The following GPR17 variants were observed in gnomAD, a reference collection of about 807,000 sequenced individuals.
GPR17 encodes the protein G protein-coupled receptor 17.
In GPR17, 4 loss-of-function variants were observed where a neutral mutation model predicts 1.5. The ratio of observed to expected loss-of-function variants is 2.73; its 90% CI spans 1.35 to 6.25. The LOEUF (loss-of-function observed/expected upper bound fraction) is 6.25. GPR17 is among the 30% of genes most tolerant of loss of function. The probability of loss-of-function intolerance (pLI) is 0.00; values close to 1 mark genes in which losing one functional copy is unlikely to be tolerated. For synonymous variants in GPR17, 209 were observed against 207.6 expected, an observed-to-expected ratio of 1.01 and a Z score of -0.06; for missense variants, 463 against 462.1, an observed-to-expected ratio of 1.00 and a Z score of -0.02.
chr2:127,648,971 AGGGGAGGGAGGGGAGGGGAG>A (rs1683314410), intron 1 of GPR17, among the ~76,000 whole-genome samples: 1 of 15,570 alleles, frequency 6.4e-5, no homozygotes, highest in Non-Finnish European at 1.2e-4. Flanking sequence ...GGAGGGGGGG[AGGGGAGGGAGGGGAGGGGAG>A]GGAGGGGAGG....
chr2:127,649,708 G>A (rs1196891605), intron 1 of GPR17, among the ~76,000 whole-genome samples: 1 of 152,134 alleles, frequency 6.6e-6, no homozygotes, highest in Non-Finnish European at 1.5e-5. Flanking sequence ...TGAGGGTGGG[G>A]AGCACCCTAT....
At chr2:127,649,947 A>C (rs1186596539) in intron 1 of GPR17, 132 of 1,351,348 alleles carry the variant, frequency 9.8e-5, no homozygotes, top group Non-Finnish European at 1.3e-4. Context: ...GAGAGAAAAT[A>C]CTCCCAGCTG....
intron 1 of GPR17, among the ~76,000 whole-genome samples, chr2:127,649,042 AAAGAG>A (rs1683356200): frequency 9.0e-6 from 1 of 111,254 alleles, no homozygotes; most frequent in Non-Finnish European, 2.1e-5. Flanking sequence ...AAAAAGAAAG[AAAGAG>A]AAAAGAAGAA....
rs747134832 is a variant in GPR17, at chr2:127,651,438, C to T, written c.703C>T (p.Arg235Cys). 11 of 1,612,710 alleles carry T rather than the reference C, an allele frequency of 6.8e-6. No homozygotes were observed. The highest frequency in any genetic ancestry group is 1.3e-5 in the African/African-American group (1 of 74,950). Reference protein sequence around the residue: ...VEKRLKTKAVRMIAIVLAIFL... With the variant: ...VEKRLKTKAVCMIAIVLAIFL... ...GAAGCGCCTCAAGACCAAGGCAGTGCGCATGATCGCCATAGTGCTGGCCAT... is the reference window on the plus strand; with the variant it reads ...GAAGCGCCTCAAGACCAAGGCAGTGTGCATGATCGCCATAGTGCTGGCCAT... Residue 235 changes from arginine (R) to cysteine (C), a missense_variant, in exon 2 of 2, where the codon CGC becomes TGC. By Grantham distance (180) the Arg-to-Cys change is radical. Transcript: ENST00000486700.
At position 127,647,891 on chromosome 2, in the gene GPR17, G is replaced by A. The variant is rs746741345; in HGVS notation, c.-21+1647G>A. The A allele has an allele frequency of 3.4e-5, 15 of 443,840 alleles. No individual in the cohort carries two copies. Among genetic ancestry groups the A allele is most frequent in the Admixed American group, 6.4e-5 (1 of 15,596 alleles). 27.5% of individuals were successfully genotyped at this position (443,840 alleles called of 1,614,324 possible). ...CCCTGCCACCGTCCCACCGGTACCT[G>A]CTCCCTGTTCTCCCCTGCCTCACAG... On this transcript the variant is annotated intron_variant, in intron 1 of 1. Coordinates refer to ENST00000486700, the MANE Select transcript of GPR17 (RefSeq NM_001161417.2). The surrounding 1 kb of genome is among the most constrained non-coding windows in gnomAD (Gnocchi z 4.3).
chr2:127,651,171 C>T lies in GPR17; in HGVS notation c.436C>T (p.Leu146Phe), dbSNP rs1276521922. ...PVKSLKLRRPLYAHLACAFLW... is the reference protein window; with the variant it reads ...PVKSLKLRRPFYAHLACAFLW... ...CAAGTCCCTCAAGCTCCGCAGGCCCCTCTACGCACACCTGGCCTGTGCCTT... is the reference window on the plus strand; with the variant it reads ...CAAGTCCCTCAAGCTCCGCAGGCCCTTCTACGCACACCTGGCCTGTGCCTT... The change falls in exon 2 of 2, where the codon CTC (leucine) becomes TTC (phenylalanine). Residue 146 changes from leucine (L) to phenylalanine (F), a missense_variant. Physicochemically the swap from Leu to Phe is conservative, Grantham distance 22 (BLOSUM62 0). Transcript: ENST00000486700. The T allele has an allele frequency of 2.5e-6, 4 of 1,612,474 alleles. No individual in the cohort carries two copies. The highest frequency in any genetic ancestry group is 3.4e-6 in the Non-Finnish European group (4 of 1,179,994).
At position 127,651,603 on chromosome 2, in the gene GPR17, G is replaced by A. The variant is rs540565811; in HGVS notation, c.868G>A (p.Gly290Arg). The A allele has an allele frequency of 3.5e-5, 57 of 1,613,406 alleles. 1 individual carries two copies. Among genetic ancestry groups the A allele is most frequent in the South Asian group, 2.9e-4 (26 of 91,086 alleles). Residue 290 changes from glycine (G) to arginine (R), a missense_variant, in exon 2 of 2, where the codon GGG (glycine) becomes AGG (arginine). Gly to Arg is a moderately radical substitution (Grantham distance 125). Coordinates refer to ENST00000486700, the MANE Select transcript of GPR17 (RefSeq NM_001161417.2). ...CACCTCCTGCCTCACCAGCCTCAAC[G>A]GGGCACTCGACCCCATCATGTATTT... ...RITSCLTSLN[G>R]ALDPIMYFFV... is the part of the protein sequence containing the mutation.
At position 127,647,509 on chromosome 2, in the gene GPR17, C is replaced by T. The variant is rs1380696925; in HGVS notation, c.-21+1265C>T. ...TGCCAGGCAGAGTGGTCAGTCGTAC[C>T]TATGAGCTGCTCTCTCGTGGGGCCA... On this transcript the variant is annotated intron_variant, in intron 1 of 1. Transcript: ENST00000486700. The surrounding 1 kb of genome is among the most constrained non-coding windows in gnomAD (Gnocchi z 4.3). Among the ~76,000 whole-genome samples the T allele has an allele frequency of 1.2e-4, 19 of 152,172 alleles. No homozygotes were observed. The highest frequency in any genetic ancestry group is 4.6e-4 in the African/African-American group (19 of 41,444).
intron 1 of GPR17, chr2:127,648,169 G>A: frequency 1.0e-6 from 1 of 985,466 alleles, no homozygotes; most frequent in Non-Finnish European, 1.2e-6. Flanking sequence ...GGGTCCCCAT[G>A]AGGAACTCCA....
intron 1 of GPR17, chr2:127,648,010 T>G (rs913969396): frequency 6.1e-6 from 6 of 985,688 alleles, no homozygotes; most frequent in Middle Eastern, 5.2e-4. Context: ...CAGCCAAGCC[T>G]GTCTCCCTCT....
chr2:127,650,595 C>T (rs544192242), intron 1 of GPR17, 121 bp from the exon 2 acceptor site: 72 of 689,542 alleles, frequency 1.0e-4, no homozygotes, highest in Middle Eastern at 2.7e-4. Flanking sequence ...GCCCCGTGGG[C>T]GGTGCTGAGC....
intron 1 of GPR17, chr2:127,650,013 T>G: frequency 6.2e-7 from 1 of 1,607,970 alleles, no homozygotes; most frequent in Non-Finnish European, 8.5e-7. Flanking sequence ...CCTGTCAGGA[T>G]GTCCAAACGG....
intron 1 of GPR17, among the ~76,000 whole-genome samples, chr2:127,649,159 G>A (rs556488764): frequency 8.3e-6 from 1 of 120,818 alleles, no homozygotes; most frequent in Non-Finnish European, 1.8e-5. Context: ...GAGAGAGAGA[G>A]GAAGGTAGGA....
chr2:127,649,015 G>A (rs1683346821), intron 1 of GPR17, among the ~76,000 whole-genome samples: 1 of 41,210 alleles, frequency 2.4e-5, no homozygotes, highest in East Asian at 6.2e-4. Flanking sequence ...GGAAGGGGAG[G>A]GAGGGAGGAA....
chr2:127,649,954 G>C, intron 1 of GPR17: 3 of 1,422,234 alleles, frequency 2.1e-6, no homozygotes, highest in South Asian at 2.4e-5. Context: ...AATACTCCCA[G>C]CTGGCCTGAT....
rs2105237623 is a variant in GPR17, at chr2:127,647,191, T to C, written c.-21+947T>C. 6.6e-6 allele frequency among the ~76,000 whole-genome samples: 1 copy of C among 152,320 alleles called. No homozygotes were observed. The highest frequency in any genetic ancestry group is 2.1e-4 in the South Asian group (1 of 4,826). The stretch of plus-strand genomic sequence containing the variant: ...AACTCTTCCTTTTTGAGCAAGGGGC[T>C]GCACATTCTCATTTCATACATGGGC... On this transcript the variant is annotated intron_variant, in intron 1 of 1. Transcript: ENST00000486700. The surrounding 1 kb of genome is among the most constrained non-coding windows in gnomAD (Gnocchi z 4.3).
At chr2:127,650,624 G>C in intron 1 of GPR17, 92 bp from the exon 2 acceptor site, 1 of 859,476 alleles carries the variant, frequency 1.2e-6, no homozygotes, top group South Asian at 1.6e-5. Flanking sequence ...GGGAGGTTCT[G>C]AAGGCATTGG....
At chr2:127,650,601 T>G in intron 1 of GPR17, 115 bp from the exon 2 acceptor site, 22 of 728,134 alleles carry the variant, frequency 3.0e-5, no homozygotes, top group Non-Finnish European at 4.6e-5. Context: ...TGGGCGGTGC[T>G]GAGCTTGAAA....
At chr2:127,648,593 G>A (rs1683253276) in intron 1 of GPR17, among the ~76,000 whole-genome samples, 1 of 152,088 alleles carries the variant, frequency 6.6e-6, no homozygotes, top group Admixed American at 6.5e-5. Context: ...TCCTGAGACA[G>A]CCCTGTGGAA....
Sources: allele counts gnomAD v4.1 joint callset (sites outside exome capture counted in the v4.1 genomes callset), GRCh38; gene constraint gnomAD v4.1.1; non-coding constraint Gnocchi (gnomAD v3.1); transcripts MANE v1.5; gene names NCBI Gene and HGNC (gene_info 2026-07-23, HGNC 2026-07-21).